Variants in SLIT2 observed in about 807,000 individuals in gnomAD.
The protein encoded by SLIT2 is slit homolog 2 protein.
A neutral mutation model predicts 185.7 loss-of-function variants in SLIT2; 41 were observed. That is an observed-to-expected ratio of 0.22 (90% CI 0.17 to 0.29). SLIT2 has a LOEUF of 0.29. SLIT2 is among the 10% of genes least tolerant of loss of function. SLIT2 has a pLI of 1.00. For synonymous variants in SLIT2, 693 were observed against 680.2 expected, an observed-to-expected ratio of 1.02 and a Z score of -0.29; for missense variants, 1,571 against 1,909.0, an observed-to-expected ratio of 0.82 and a Z score of 3.30.
intron 4 of SLIT2, among the ~76,000 whole-genome samples, chr4:20,344,988 C>G (rs920869250): frequency 3.9e-5 from 6 of 152,128 alleles, no homozygotes; most frequent in Non-Finnish European, 8.8e-5. Context: ...TATAAAGATA[C>G]TGAGATTAAT....
intron 4 of SLIT2, among the ~76,000 whole-genome samples, chr4:20,287,467 G>A (rs569763406): frequency 1.8e-3 from 274 of 152,270 alleles, no homozygotes; most frequent in Middle Eastern, 0.017. Flanking sequence ...TTAACAGGAT[G>A]TCTTATACAT....
intron 4 of SLIT2, among the ~76,000 whole-genome samples, chr4:20,422,575 C>T (rs566172185): frequency 1.6e-4 from 24 of 152,158 alleles, no homozygotes; most frequent in African/African-American, 5.3e-4. Context: ...AGGTAAATAA[C>T]GAAATAATTA....
chr4:20,526,332 A>T (rs1209995835), intron 15 of SLIT2, among the ~76,000 whole-genome samples: 1 of 152,142 alleles, frequency 6.6e-6, no homozygotes, highest in Non-Finnish European at 1.5e-5. Flanking sequence ...TGGCTGCATA[A>T]CAAGTAACAT....
chr4:20,538,165 T>C (rs1254240356), intron 18 of SLIT2, among the ~76,000 whole-genome samples: 5 of 152,142 alleles, frequency 3.3e-5, no homozygotes, highest in Non-Finnish European at 4.4e-5. Flanking sequence ...TTTCACTGTG[T>C]TAGCCAGGAT....
At position 20,539,455 on chromosome 4, in the gene SLIT2, A is replaced by G; in HGVS notation, c.1847A>G (p.Asn616Ser). Reference sequence around the variant, plus strand: ...TTTCCCCTCAGGATGTTGAGAAGCAATCGAATAACCTGTGTGGGGAATGAC... The same window carrying G: ...TTTCCCCTCAGGATGTTGAGAAGCAGTCGAATAACCTGTGTGGGGAATGAC... ...ESLKTLMLRS[N>S]RITCVGNDSF... The change falls in exon 19 of 37, where the codon AAT (asparagine) becomes AGT (serine). Residue 616 changes from asparagine (N) to serine (S), a missense_variant. Around this residue, in one of 3 missense-constraint regions of SLIT2, gnomAD observed 1,202 missense variants for 1,416.4 expected, o/e 0.85. Transcript: ENST00000504154. 6.2e-7 allele frequency: 1 copy of G among 1,612,128 alleles called. No homozygotes were observed. Among genetic ancestry groups the G allele is most frequent in the Non-Finnish European group, 8.5e-7 (1 of 1,179,262 alleles).
chr4:20,498,000 T>A (rs1039573293), intron 9 of SLIT2, among the ~76,000 whole-genome samples: 1 of 152,026 alleles, frequency 6.6e-6, no homozygotes, highest in Non-Finnish European at 1.5e-5. Flanking sequence ...GGTGAAACCC[T>A]GTCTCTACTA....
intron 4 of SLIT2, among the ~76,000 whole-genome samples, chr4:20,362,502 T>C (rs1329734016): frequency 2.0e-5 from 3 of 152,094 alleles, no homozygotes; most frequent in African/African-American, 7.2e-5. Flanking sequence ...TGATCTGGGT[T>C]ACATACATTC....
intron 4 of SLIT2, among the ~76,000 whole-genome samples, chr4:20,294,461 C>T (rs572760192): frequency 7.2e-5 from 11 of 152,192 alleles, no homozygotes; most frequent in African/African-American, 1.9e-4. Context: ...GTTTCATACA[C>T]GGAAGATTAT....
At chr4:20,614,064 G>A (rs1017039932) in intron 34 of SLIT2, among the ~76,000 whole-genome samples, 3 of 151,978 alleles carry the variant, frequency 2.0e-5, no homozygotes, top group African/African-American at 7.3e-5. Context: ...GTAGAGACGG[G>A]GTTTCATCAT....
chr4:20,505,084 A>G (rs1007900137), intron 9 of SLIT2, among the ~76,000 whole-genome samples: 1 of 152,080 alleles, frequency 6.6e-6, no homozygotes, highest in African/African-American at 2.4e-5. Flanking sequence ...TGTGCTATAT[A>G]TTCTATTTTT....
chr4:20,325,632 A>T (rs1016943302), intron 4 of SLIT2, among the ~76,000 whole-genome samples: 3 of 152,142 alleles, frequency 2.0e-5, no homozygotes, highest in Non-Finnish European at 4.4e-5. Flanking sequence ...CACTGCTTTT[A>T]TATAAGTATG....
chr4:20,382,097 A>G (rs559256866), intron 4 of SLIT2, among the ~76,000 whole-genome samples: 165 of 152,312 alleles, frequency 1.1e-3, no homozygotes, highest in African/African-American at 3.8e-3. Context: ...GAAATCAAGC[A>G]TTGAAATTCA....
At chr4:20,326,528 G>A (rs1719605674) in intron 4 of SLIT2, among the ~76,000 whole-genome samples, 1 of 151,774 alleles carries the variant, frequency 6.6e-6, no homozygotes, top group African/African-American at 2.4e-5. Context: ...TATTTTTTCT[G>A]GTTCTTGTTG....
intron 24 of SLIT2, 53 bp downstream of exon 24, chr4:20,549,181 G>C: frequency 1.8e-6 from 2 of 1,126,410 alleles, no homozygotes; most frequent in South Asian, 2.6e-5. Context: ...TCTGAGTTTG[G>C]GGTTGTCTTT....
At chr4:20,419,414 C>T (rs1360891859) in intron 4 of SLIT2, among the ~76,000 whole-genome samples, 1 of 152,026 alleles carries the variant, frequency 6.6e-6, no homozygotes, top group South Asian at 2.1e-4. Context: ...TTCTTTCTAC[C>T]TGGATTAATG....
At chr4:20,500,978 T>G (rs1247174702) in intron 9 of SLIT2, among the ~76,000 whole-genome samples, 1 of 152,210 alleles carries the variant, frequency 6.6e-6, no homozygotes, top group Non-Finnish European at 1.5e-5. Flanking sequence ...ATTTTATCTC[T>G]GATTCTGTGC....
intron 4 of SLIT2, among the ~76,000 whole-genome samples, chr4:20,295,835 G>GA (rs80128920): frequency 2.7e-5 from 4 of 150,832 alleles, no homozygotes; most frequent in African/African-American, 4.9e-5. Context: ...TGAGTACTAG[G>GA]AAAAAAAAAT....
At chr4:20,471,087 T>A (rs1259846094) in intron 5 of SLIT2, among the ~76,000 whole-genome samples, 1 of 152,210 alleles carries the variant, frequency 6.6e-6, no homozygotes, top group Non-Finnish European at 1.5e-5. Context: ...GCCTTCCATG[T>A]AACAATGTGA....
At chr4:20,575,461 G>GA (rs1026019380) in intron 29 of SLIT2, among the ~76,000 whole-genome samples, 1 of 152,040 alleles carries the variant, frequency 6.6e-6, no homozygotes, top group African/African-American at 2.4e-5. Context: ...ACAAAGGTGG[G>GA]AAAAAACTTC....
Sources: gnomAD v4.1 joint callset for allele counts (sites outside exome capture counted in the v4.1 genomes callset) on GRCh38, gnomAD v4.1.1 for gene constraint, gnomAD v4.1.1 regional missense constraint, MANE v1.5 for transcripts, NCBI Gene and HGNC (gene_info 2026-07-23, HGNC 2026-07-21) for gene names.